HEPACAM2: variants seen among roughly 807,000 people sequenced by gnomAD.
The protein encoded by HEPACAM2 is HEPACAM family member 2.
HEPACAM2 carries 49 observed loss-of-function variants against 49.6 expected under a neutral mutation model. That is an observed-to-expected ratio of 0.99 (90% CI 0.78 to 1.25). HEPACAM2 has a LOEUF of 1.25. Ranked by LOEUF, HEPACAM2 falls within the 50% of genes most tolerant of loss-of-function variation. The pLI is 0.00. For missense variants in HEPACAM2, 525 were observed against 557.2 expected (o/e 0.94, Z 0.58); for synonymous variants, 197 against 202.9 (o/e 0.97, Z 0.25).
At chr7:93,226,313 A>AT in intron 1 of HEPACAM2, 55 bp downstream of exon 1, 2 of 1,277,398 alleles carry the variant, frequency 1.6e-6, no homozygotes, top group Non-Finnish European at 2.2e-6. Flanking sequence ...TATGTCCACA[A>AT]TTAAAAAAAA....
chr7:93,197,486 T>C lies in HEPACAM2; in HGVS notation c.1137A>G (p.Lys379=). The change falls in exon 5 of 10, where the codon AAA becomes AAG. Residue 379 remains lysine, a splice_region_variant and synonymous_variant. Coordinates refer to ENST00000394468, the MANE Select transcript of HEPACAM2 (RefSeq NM_001039372.4). Reference sequence around the variant, plus strand: ...TTTTTTTTTGTAATTTTAACCTACCTTTGTAGGGTTGATATTTTTTCCATA... The same window carrying C: ...TTTTTTTTTGTAATTTTAACCTACCCTTGTAGGGTTGATATTTTTTCCATA... ...LFLWKKYQPY[K]VIKQKLEGRP... 6.3e-7 allele frequency: 1 copy of C among 1,590,108 alleles called. No individual in the cohort carries two copies. Among genetic ancestry groups the C allele is most frequent in the South Asian group, 1.1e-5 (1 of 88,278 alleles).
chr7:93,207,979 AG>A (rs1794072531), intron 4 of HEPACAM2, among the ~76,000 whole-genome samples: 1 of 152,068 alleles, frequency 6.6e-6, no homozygotes, highest in African/African-American at 2.4e-5. Flanking sequence ...TCAATATTTT[AG>A]GCCGTAATTC....
upstream of HEPACAM2, among the ~76,000 whole-genome samples, chr7:93,226,814 T>A (rs1794549904): frequency 6.6e-6 from 1 of 152,122 alleles, no homozygotes; most frequent in Non-Finnish European, 1.5e-5. Flanking sequence ...CAAAAGCTGG[T>A]TTTCTATCAT....
intron 1 of HEPACAM2, among the ~76,000 whole-genome samples, chr7:93,225,647 A>G (rs988627276): frequency 6.6e-6 from 1 of 152,162 alleles, no homozygotes; most frequent in Admixed American, 6.6e-5. Flanking sequence ...AAGAATGGAA[A>G]TGAGAACATC....
intron 2 of HEPACAM2, among the ~76,000 whole-genome samples, chr7:93,218,567 A>T (rs1443398438): frequency 6.6e-6 from 1 of 152,118 alleles, no homozygotes; most frequent in East Asian, 1.9e-4. Context: ...TTGGGCTTGG[A>T]CATAGTATAT....
At chr7:93,228,326 T>G (rs1472373199), upstream of HEPACAM2, among the ~76,000 whole-genome samples, 2 of 152,216 alleles carry the variant, frequency 1.3e-5, no homozygotes, top group Non-Finnish European at 2.9e-5. Context: ...ATAAATGCCA[T>G]ATGAATCTTA....
At chr7:93,190,055 C>T (rs1793503801) in intron 9 of HEPACAM2, among the ~76,000 whole-genome samples, 3 of 151,926 alleles carry the variant, frequency 2.0e-5, no homozygotes, top group Non-Finnish European at 4.4e-5. Flanking sequence ...TAAACAGCAG[C>T]CCACTATACT....
intron 4 of HEPACAM2, among the ~76,000 whole-genome samples, chr7:93,202,073 A>G (rs1273409038): frequency 1.3e-5 from 2 of 149,396 alleles, no homozygotes; most frequent in Admixed American, 6.7e-5. Flanking sequence ...AAAAACTGGT[A>G]AGAAATAAAT....
chr7:93,232,002 CT>C, the HEPACAM2 span, among the ~76,000 whole-genome samples: 2 of 152,134 alleles, frequency 1.3e-5, no homozygotes, highest in Non-Finnish European at 2.9e-5. Flanking sequence ...CACCCCGCCC[CT>C]CTAGACCAGG....
chr7:93,225,874 G>A, intron 1 of HEPACAM2: 1 of 1,313,834 alleles, frequency 7.6e-7, no homozygotes, highest in Non-Finnish European at 1.0e-6. Flanking sequence ...TGTTAGTTTG[G>A]AATCTTACCT....
In HEPACAM2 at chr7:93,201,621, C is replaced by T. The variant is rs1793885098; in HGVS notation, c.1013-4011G>A. On this transcript the variant is annotated intron_variant, in intron 4 of 9. Transcript: ENST00000394468. ...ATTTGAATTTAGCAATGTCTAACAA[C>T]AATTCCATGCTCTTTCCACCACTCT... Among the ~76,000 whole-genome samples, 4 of 152,184 alleles carry T rather than the reference C, an allele frequency of 2.6e-5. No homozygotes were observed. In the South Asian group the frequency reaches 8.3e-4, roughly 32 times the overall value.
chr7:93,226,088 A>G, intron 1 of HEPACAM2: 1 of 537,026 alleles, frequency 1.9e-6, no homozygotes, highest in Admixed American at 3.4e-5. Context: ...ACTCTAAAAG[A>G]AGAAATTCAT....
At chr7:93,194,438 A>T (rs1355179407) in intron 8 of HEPACAM2, among the ~76,000 whole-genome samples, 2 of 152,140 alleles carry the variant, frequency 1.3e-5, no homozygotes, top group African/African-American at 4.8e-5. Context: ...TAACTGATCC[A>T]TCAAATATTT....
upstream of HEPACAM2, among the ~76,000 whole-genome samples, chr7:93,229,218 G>A (rs956221744): frequency 1.3e-5 from 2 of 152,182 alleles, no homozygotes; most frequent in African/African-American, 4.8e-5. Flanking sequence ...GCTGCCAGAG[G>A]AGGCTATCAC....
At chr7:93,214,825 A>G (rs1272842486) in intron 3 of HEPACAM2, among the ~76,000 whole-genome samples, 2 of 152,188 alleles carry the variant, frequency 1.3e-5, no homozygotes, top group Non-Finnish European at 2.9e-5. Flanking sequence ...AAACAAAAGT[A>G]TATGTCAAAA....
intron 4 of HEPACAM2, 70 bp from the exon 5 acceptor site, chr7:93,197,680 G>T (rs1305802422): frequency 4.4e-6 from 5 of 1,128,618 alleles, no homozygotes; most frequent in South Asian, 1.8e-5. Context: ...TTTAAATGCC[G>T]TATTTTAAAT....
intron 4 of HEPACAM2, among the ~76,000 whole-genome samples, chr7:93,199,621 T>G (rs1793829022): frequency 6.6e-6 from 1 of 152,090 alleles, no homozygotes; most frequent in Admixed American, 6.6e-5. Flanking sequence ...CTTGCTCTGA[T>G]ACTCTATGAC....
Position 93,189,284 on chromosome 7 carries a change from A to G in HEPACAM2, c.1386-14T>C. The G allele has an allele frequency of 6.3e-7, 1 of 1,584,530 alleles. No individual in the cohort carries two copies. Among genetic ancestry groups the G allele is most frequent in the East Asian group, 2.3e-5 (1 of 44,376 alleles). On this transcript the variant is annotated splice_polypyrimidine_tract_variant and intron_variant, in intron 9 of 9. Coordinates refer to ENST00000394468, the MANE Select transcript of HEPACAM2 (RefSeq NM_001039372.4). ...ATGAAAGTTCACCTAGTGAAGAGAT[A>G]TACAAAATATGTAAACAGTTCTATA...
Position 93,219,465 on chromosome 7 carries a change from A to C in HEPACAM2, c.80-14T>G. 6.2e-7 allele frequency: 1 copy of C among 1,613,562 alleles called. No individual in the cohort carries two copies. Among genetic ancestry groups the C allele is most frequent in the Non-Finnish European group, 8.5e-7 (1 of 1,179,872 alleles). ...CCGAGCAAGCACCTGTTGCAAAGGAAAGGAAAGTTGTGAAGACCTTGAGCC... is the reference window on the plus strand; with the variant it reads ...CCGAGCAAGCACCTGTTGCAAAGGACAGGAAAGTTGTGAAGACCTTGAGCC... On this transcript the variant is annotated splice_polypyrimidine_tract_variant and intron_variant, in intron 1 of 9. Transcript: ENST00000394468.
Sources: allele counts gnomAD v4.1 joint callset (sites outside exome capture counted in the v4.1 genomes callset), GRCh38; gene constraint gnomAD v4.1.1; transcripts MANE v1.5; gene names NCBI Gene and HGNC (gene_info 2026-07-23, HGNC 2026-07-21).